The following PLGRKT variants were observed in gnomAD, a reference collection of about 807,000 sequenced individuals.
PLGRKT encodes the protein plasminogen receptor (KT).
Under a neutral mutation model 18.5 loss-of-function variants are expected in PLGRKT, and 22 were observed. That is an observed-to-expected ratio of 1.19 (90% CI 0.85 to 1.70). PLGRKT has a LOEUF of 1.70. Ranked by LOEUF, PLGRKT falls within the 40% of genes most tolerant of loss-of-function variation. The pLI, the probability that PLGRKT is intolerant of heterozygous loss-of-function variation, is 0.00. For missense variants in PLGRKT, 235 were observed against 174.4 expected (o/e 1.35, Z -1.96); for synonymous variants, 72 against 52.8 (o/e 1.36, Z -1.58).
intron 3 of PLGRKT, among the ~76,000 whole-genome samples, chr9:5,376,419 C>T (rs1817629099): frequency 1.3e-5 from 2 of 152,120 alleles, no homozygotes; most frequent in South Asian, 4.1e-4. Flanking sequence ...CTCTCTGTTT[C>T]CTTATCTGTA....
intron 3 of PLGRKT, among the ~76,000 whole-genome samples, chr9:5,381,396 A>G (rs7030055): frequency 0.26 from 40,329 of 152,192 alleles, 5,727 homozygotes; most frequent in African/African-American, 0.36. Context: ...GGGCCAAGGT[A>G]CAGCTCAGGT....
chr9:5,393,854 A>AC (rs1215151188), intron 3 of PLGRKT, among the ~76,000 whole-genome samples: 1 of 151,930 alleles, frequency 6.6e-6, no homozygotes, highest in Admixed American at 6.5e-5. Flanking sequence ...CGTTTTAAAG[A>AC]TTTTTAAGAT....
At chr9:5,433,895 G>A (rs576834935) in intron 2 of PLGRKT, among the ~76,000 whole-genome samples, 6 of 149,922 alleles carry the variant, frequency 4.0e-5, no homozygotes, top group African/African-American at 1.2e-4. Context: ...GATGTGAGGA[G>A]CGCCTCTGCC....
intron 3 of PLGRKT, among the ~76,000 whole-genome samples, chr9:5,407,902 A>G (rs1030751226): frequency 3.1e-4 from 47 of 152,272 alleles, no homozygotes; most frequent in African/African-American, 1.1e-3. Context: ...CTGTGTGTGT[A>G]TGACTGATAT....
intron 3 of PLGRKT, among the ~76,000 whole-genome samples, chr9:5,401,113 C>T (rs192989399): frequency 4.6e-5 from 7 of 151,754 alleles, no homozygotes; most frequent in East Asian, 3.9e-4. Context: ...ATTATTTTGC[C>T]GGGACAGGTG....
chr9:5,369,602 A>C (rs1224501811), intron 3 of PLGRKT, among the ~76,000 whole-genome samples: 3 of 152,220 alleles, frequency 2.0e-5, no homozygotes, highest in Non-Finnish European at 4.4e-5. Context: ...TTATATACCC[A>C]AAGGATTATA....
chr9:5,371,913 A>G, intron 3 of PLGRKT, among the ~76,000 whole-genome samples: 1 of 151,806 alleles, frequency 6.6e-6, no homozygotes, highest in South Asian at 2.1e-4. Flanking sequence ...CCTAAGTATT[A>G]TACTCTATAA....
At chr9:5,407,033 T>C (rs566037811) in intron 3 of PLGRKT, among the ~76,000 whole-genome samples, 2 of 152,340 alleles carry the variant, frequency 1.3e-5, no homozygotes, top group East Asian at 3.8e-4. Context: ...TCCCTCACTT[T>C]TATATTGCTT....
chr9:5,377,300 G>C (rs1817648907), intron 3 of PLGRKT, among the ~76,000 whole-genome samples: 1 of 151,440 alleles, frequency 6.6e-6, no homozygotes, highest in Non-Finnish European at 1.5e-5. Flanking sequence ...AAACAAGGCT[G>C]TTTTGAAATA....
intron 3 of PLGRKT, among the ~76,000 whole-genome samples, chr9:5,386,612 G>A (rs546500703): frequency 1.7e-4 from 26 of 151,992 alleles, no homozygotes; most frequent in Admixed American, 5.9e-4. Flanking sequence ...AGGCCAAAGA[G>A]AAATGTGACT....
chr9:5,428,331 G>A (rs533678276), intron 3 of PLGRKT, among the ~76,000 whole-genome samples: 4 of 152,264 alleles, frequency 2.6e-5, no homozygotes, highest in East Asian at 1.9e-4. Context: ...AGTATGCTGG[G>A]GAACTTCAGG....
intron 3 of PLGRKT, among the ~76,000 whole-genome samples, chr9:5,420,589 C>T (rs1191643337): frequency 2.0e-5 from 3 of 152,132 alleles, no homozygotes; most frequent in Non-Finnish European, 2.9e-5. Flanking sequence ...CCTCGGTGAA[C>T]TTGTGTTGGC....
intron 3 of PLGRKT, among the ~76,000 whole-genome samples, chr9:5,412,199 G>GTTTAC (rs1563784870): frequency 6.6e-6 from 1 of 152,104 alleles, no homozygotes; most frequent in Non-Finnish European, 1.5e-5. Flanking sequence ...ACTCACTGGG[G>GTTTAC]GTAAAGATAG....
Position 5,397,617 on chromosome 9 carries a change from G to A in PLGRKT, c.81+34280C>T, listed in dbSNP as rs185508798. Among the ~76,000 whole-genome samples, 635 of 151,832 alleles carry A rather than the reference G, an allele frequency of 4.2e-3. 20 individuals are homozygous for A. Among genetic ancestry groups the A allele is most frequent in the African/African-American group, 0.014 (585 of 41,176 alleles). On this transcript the variant is annotated intron_variant, in intron 3 of 5. Transcript: ENST00000223864. ...GAAACAGGGAAAAGGAGGAAGAAAA[G>A]GGAGGGAAGAGGGGAGAGAGGGAAG...
rs568587271 is a variant in PLGRKT, at chr9:5,415,145, T to C, written c.81+16752A>G. Among the ~76,000 whole-genome samples the C allele has an allele frequency of 7.8e-4, 119 of 152,244 alleles. 1 individual carries two copies. The highest frequency in any genetic ancestry group is 2.2e-3 in the African/African-American group (92 of 41,542). ...CAATATAAGATAAGCCTGGCATATA[T>C]TGTGATCACAGAAAAGAAGCAGGTA... On this transcript the variant is annotated intron_variant, in intron 3 of 5. Transcript: ENST00000223864.
At chr9:5,370,626 A>C (rs1161431605) in intron 3 of PLGRKT, among the ~76,000 whole-genome samples, 1 of 152,186 alleles carries the variant, frequency 6.6e-6, no homozygotes, top group Non-Finnish European at 1.5e-5. Flanking sequence ...GTTATTCTAC[A>C]TGTTCTACCA....
At chr9:5,433,210 G>C (rs1414068077) in intron 2 of PLGRKT, among the ~76,000 whole-genome samples, 2 of 148,444 alleles carry the variant, frequency 1.3e-5, no homozygotes, top group Non-Finnish European at 3.0e-5. Flanking sequence ...GAAGTGAGGA[G>C]CATCTCTGCC....
intron 3 of PLGRKT, among the ~76,000 whole-genome samples, chr9:5,405,707 T>G (rs906610478): frequency 1.4e-4 from 22 of 152,222 alleles, no homozygotes; most frequent in Admixed American, 9.2e-4. Context: ...GGCAAAGATT[T>G]TATGATGAAA....
At chr9:5,409,959 T>C (rs1333261564) in intron 3 of PLGRKT, among the ~76,000 whole-genome samples, 1 of 152,170 alleles carries the variant, frequency 6.6e-6, no homozygotes, top group Non-Finnish European at 1.5e-5. Context: ...AGAACAAGCA[T>C]AGGAGAAGTG....
Sources: allele counts gnomAD v4.1 joint callset (sites outside exome capture counted in the v4.1 genomes callset), GRCh38; gene constraint gnomAD v4.1.1; transcripts MANE v1.5; gene names NCBI Gene and HGNC (gene_info 2026-07-23, HGNC 2026-07-21).